CSNK1A1: variants seen among roughly 807,000 people sequenced by gnomAD.
CSNK1A1 encodes casein kinase 1 alpha 1.
In CSNK1A1, 7 loss-of-function variants were observed where a neutral mutation model predicts 46.1. The observed-to-expected ratio is 0.15, with a 90% CI of 0.09 to 0.29. The LOEUF is 0.29. CSNK1A1 is among the 10% of genes least tolerant of loss of function. The pLI is 1.00. For synonymous variants in CSNK1A1, 137 were observed against 141.5 expected, an observed-to-expected ratio of 0.97 and a Z score of 0.23; for missense variants, 96 against 417.1, an observed-to-expected ratio of 0.23 and a Z score of 6.71.
chr5:149,503,226 G>C, intron 9 of CSNK1A1: 1 of 985,440 alleles, frequency 1.0e-6, no homozygotes, highest in Non-Finnish European at 1.2e-6. Flanking sequence ...TGCTGGGCTG[G>C]GGGTAGAAGT....
In CSNK1A1 at chr5:149,542,593, T is replaced by A. The variant is rs1435085955; in HGVS notation, c.230+7482A>T. Among the ~76,000 whole-genome samples, 4 of 1,928 alleles carry A rather than the reference T, an allele frequency of 2.1e-3. No homozygotes were observed. In the South Asian group the frequency reaches 0.031, roughly 15 times the overall value. 1.3% of individuals were successfully genotyped at this position (1,928 alleles called of 152,430 possible). On this transcript the variant is annotated intron_variant, in intron 2 of 9. Coordinates refer to ENST00000377843, the MANE Select transcript of CSNK1A1 (RefSeq NM_001892.6). ...TTTACTCCGAAATGAGATACAAATT[T>A]ATATATATATATATATATATATATA... is the stretch of plus-strand genomic sequence containing the variant.
chr5:149,512,407 T>G (rs1313835421), intron 5 of CSNK1A1, among the ~76,000 whole-genome samples: 3 of 152,176 alleles, frequency 2.0e-5, no homozygotes, highest in Non-Finnish European at 4.4e-5. Context: ...TTCATGGATA[T>G]TTCTTAAGCC....
chr5:149,534,351 G>A (rs947985996), intron 2 of CSNK1A1, among the ~76,000 whole-genome samples: 6 of 151,316 alleles, frequency 4.0e-5, no homozygotes, highest in Non-Finnish European at 5.9e-5. Flanking sequence ...GCGTGGTGGC[G>A]CACGCCTGTA....
chr5:149,498,200 ATATT>A (rs1324606390), intron 9 of CSNK1A1: 1 of 984,836 alleles, frequency 1.0e-6, no homozygotes, highest in East Asian at 1.1e-4. Context: ...AATAATTCTA[ATATT>A]TATTTCTTAT....
intron 2 of CSNK1A1, among the ~76,000 whole-genome samples, chr5:149,538,733 G>A (rs1762140160): frequency 1.3e-5 from 2 of 152,136 alleles, no homozygotes; most frequent in Middle Eastern, 3.4e-3. Context: ...GACCAGCCTG[G>A]CCAACAAGGA....
chr5:149,551,029 C>T lies in CSNK1A1; in HGVS notation c.-65G>A. 6.3e-7 allele frequency: 1 copy of T among 1,588,414 alleles called. No homozygotes were observed. The highest frequency in any genetic ancestry group is 8.6e-7 in the Non-Finnish European group (1 of 1,161,974). ...ACCTCTGGGAAGAGGACGGAGGCCT[C>T]GGGGCTCCTACACTAGGCAAGGCTA... On this transcript the variant is annotated 5_prime_UTR_variant, in exon 1 of 10. Transcript: ENST00000377843.
chr5:149,535,081 T>C (rs1194450281), intron 2 of CSNK1A1, among the ~76,000 whole-genome samples: 2 of 152,200 alleles, frequency 1.3e-5, no homozygotes, highest in African/African-American at 4.8e-5. Flanking sequence ...ACCTGTTGGG[T>C]ACTGAGCTCT....
Position 149,498,068 on chromosome 5 carries a change from G to A in CSNK1A1, c.1007-1208C>T, listed in dbSNP as rs887192389. 1.1e-4 allele frequency: 107 copies of A among 939,606 alleles called. 1 individual carries two copies. The African/African-American group carries it at 1.5e-3, about 14-fold the overall frequency. 58.2% of individuals were successfully genotyped at this position (939,606 alleles called of 1,614,324 possible). On this transcript the variant is annotated intron_variant, in intron 9 of 9. Coordinates refer to ENST00000377843, the MANE Select transcript of CSNK1A1 (RefSeq NM_001892.6). The stretch of plus-strand genomic sequence containing the variant: ...AGGCTGGTCTCAAACTCCTGACCTC[G>A]TGATCCACCCGCCATGGCCTCCCAA...
chr5:149,505,334 A>C (rs1047044311), intron 9 of CSNK1A1, 113 bp downstream of exon 9: 100 of 1,455,688 alleles, frequency 6.9e-5, no homozygotes, highest in Non-Finnish European at 7.5e-5. Context: ...ACGCAGAGCC[A>C]AATTTTTATG....
In CSNK1A1 at chr5:149,542,634, AT is replaced by A. The variant is rs1762306536; in HGVS notation, c.230+7440del. On this transcript the variant is annotated intron_variant, in intron 2 of 9. Transcript: ENST00000377843. ...TATATATATATATATATATATATATATATATGTATATATATATATATATATA... is the reference window on the plus strand; with the variant it reads ...TATATATATATATATATATATATATAATATGTATATATATATATATATATA... Among the ~76,000 whole-genome samples the A allele has an allele frequency of 1.9e-4, 2 of 10,416 alleles. 1 individual carries two copies. Among genetic ancestry groups the A allele is most frequent in the Non-Finnish European group, 2.8e-4 (2 of 7,028 alleles). The allele number at this position is 10,416 out of a possible 152,430, so 6.8% of individuals were successfully genotyped here.
At chr5:149,506,895 C>A (rs1369297364) in intron 8 of CSNK1A1, 132 bp downstream of exon 8, 3 of 668,728 alleles carry the variant, frequency 4.5e-6, no homozygotes, top group East Asian at 5.8e-5. Context: ...CCAAATAAAT[C>A]AGTTTCTGAA....
chr5:149,544,758 T>TATATACATATATATATATATATACAC (rs3073422), intron 2 of CSNK1A1, among the ~76,000 whole-genome samples: 1 of 129,284 alleles, frequency 7.7e-6, no homozygotes, highest in African/African-American at 3.2e-5. Context: ...TATATATATA[T>TATATACATATATATATATATATACAC]ATATATAGTT....
rs149346325 is a variant in CSNK1A1 at position 149,495,744 on chromosome 5, TA to T, written c.*1108del. 1,554 of 92,756 alleles carry T rather than the reference TA, an allele frequency of 0.017. 21 individuals carry two copies. Among genetic ancestry groups the T allele is most frequent in the Middle Eastern group, 0.045 (8 of 176 alleles). The allele number at this position is 92,756 out of a possible 1,614,324, so 5.7% of individuals were successfully genotyped here. ...TACTAGATATTGTGCCTGCAAGTCA[TA>T]AAAAAAAAAAAAAAAAAAGAAAAAA... On this transcript the variant is annotated 3_prime_UTR_variant, in exon 10 of 10. Transcript: ENST00000377843.
chr5:149,515,486 T>A (rs1173227335), intron 4 of CSNK1A1, among the ~76,000 whole-genome samples: 1 of 152,132 alleles, frequency 6.6e-6, no homozygotes, highest in Non-Finnish European at 1.5e-5. Context: ...TTCTTAAACA[T>A]CTCAATCTAA....
At position 149,495,065 on chromosome 5, in the gene CSNK1A1, C is replaced by T. The variant is rs983754858; in HGVS notation, c.*1788G>A. The T allele has an allele frequency of 1.3e-5, 2 of 152,056 alleles. No individual in the cohort carries two copies. The highest frequency in any genetic ancestry group is 4.8e-5 in the African/African-American group (2 of 41,412). 9.4% of individuals were successfully genotyped at this position (152,056 alleles called of 1,614,324 possible). On this transcript the variant is annotated 3_prime_UTR_variant, in exon 10 of 10. Transcript: ENST00000377843. ...TTAGTCAAGAAACAAATACCTCAAC[C>T]GACAAGGGTGGATAGAAAAGAAACA...
intron 9 of CSNK1A1, chr5:149,499,304 A>C: frequency 6.1e-6 from 4 of 658,718 alleles, no homozygotes; most frequent in African/African-American, 2.3e-5. Context: ...CTTAAAAAAA[A>C]AGGGGAGGGG....
intron 2 of CSNK1A1, among the ~76,000 whole-genome samples, chr5:149,526,894 G>A (rs1046866099): frequency 6.6e-6 from 1 of 152,152 alleles, no homozygotes; most frequent in East Asian, 1.9e-4. Context: ...GAGATCCTAA[G>A]AGGATTATAA....
chr5:149,522,733 A>G (rs1036267937), intron 3 of CSNK1A1, among the ~76,000 whole-genome samples: 3 of 152,172 alleles, frequency 2.0e-5, no homozygotes, highest in Admixed American at 1.3e-4. Context: ...GCTTTCTTGT[A>G]TCTCCCTTCC....
At chr5:149,521,615 A>ATT (rs879396057) in intron 3 of CSNK1A1, among the ~76,000 whole-genome samples, 9 of 136,574 alleles carry the variant, frequency 6.6e-5, no homozygotes, top group African/African-American at 2.2e-4. Flanking sequence ...TTCCATGAGG[A>ATT]TTTTTTTTTT....
Sources: allele counts gnomAD v4.1 joint callset (sites outside exome capture counted in the v4.1 genomes callset), GRCh38; gene constraint gnomAD v4.1.1; transcripts MANE v1.5; gene names NCBI Gene and HGNC (gene_info 2026-07-23, HGNC 2026-07-21).